The following USPL1 variants were observed in gnomAD, a reference collection of about 807,000 sequenced individuals.
USPL1 encodes SUMO-specific isopeptidase USPL1.
A neutral mutation model predicts 51.5 loss-of-function variants in USPL1; 27 were observed. That is an observed-to-expected ratio of 0.52 (90% CI 0.39 to 0.72). The LOEUF (loss-of-function observed/expected upper bound fraction) is 0.72. Ranked by LOEUF, USPL1 falls within the 30% of genes least tolerant of loss-of-function variation. USPL1 has a pLI of 0.00. For missense variants in USPL1, 1,226 were observed against 1,268.0 expected, an observed-to-expected ratio of 0.97 and a Z score of 0.50; for synonymous variants, 451 against 459.6, an observed-to-expected ratio of 0.98 and a Z score of 0.24.
Position 30,659,268 on chromosome 13 carries a change from A to C in USPL1, c.3191A>C (p.Glu1064Ala). ...ESPMKTDIFD[E>A]FFSSSALNAL... ...CCGATGAAGACTGATATTTTCGATG[A>C]GTTTTTTTCCTCCTCAGCATTAAAT... The change falls in exon 9 of 9, where the codon GAG becomes GCG. Residue 1064 changes from glutamate to alanine, a missense_variant. Physicochemically the swap from Glu to Ala is moderately radical, Grantham distance 107 (BLOSUM62 -1). Coordinates refer to ENST00000255304, the MANE Select transcript of USPL1 (RefSeq NM_005800.5). 6.2e-7 allele frequency: 1 copy of C among 1,614,170 alleles called. No individual in the cohort carries two copies. The highest frequency in any genetic ancestry group is 8.5e-7 in the Non-Finnish European group (1 of 1,180,020).
chr13:30,643,429 G>A (rs944908692), intron 6 of USPL1, among the ~76,000 whole-genome samples: 1 of 152,114 alleles, frequency 6.6e-6, no homozygotes, highest in African/African-American at 2.4e-5. Flanking sequence ...TACCCACCAC[G>A]TAAGGAGAGG....
intron 3 of USPL1, among the ~76,000 whole-genome samples, chr13:30,624,218 G>A (rs1400049216): frequency 6.6e-6 from 1 of 152,102 alleles, no homozygotes; most frequent in Non-Finnish European, 1.5e-5. Context: ...CTTGGTGTGG[G>A]GAAAAAGCCC....
chr13:30,636,577 A>G (rs921293344), intron 4 of USPL1, among the ~76,000 whole-genome samples: 4 of 152,204 alleles, frequency 2.6e-5, no homozygotes, highest in Admixed American at 1.3e-4. Context: ...TTAATCTTGG[A>G]TAGTTTCTTG....
At chr13:30,657,119 T>C (rs370055240) in intron 8 of USPL1, among the ~76,000 whole-genome samples, 28 of 152,264 alleles carry the variant, frequency 1.8e-4, no homozygotes, top group African/African-American at 6.0e-4. Flanking sequence ...ATCATCTCAT[T>C]CTCTCTTGAC....
At chr13:30,657,364 T>G in intron 8 of USPL1, 110 bp from the exon 9 acceptor site, 1 of 1,102,698 alleles carries the variant, frequency 9.1e-7, no homozygotes, top group Non-Finnish European at 1.3e-6. Context: ...TTTTAGAGTC[T>G]TCTCCTTTGG....
intron 6 of USPL1, 37 bp downstream of exon 6, chr13:30,642,794 G>A (rs745752015): frequency 6.3e-7 from 1 of 1,597,142 alleles, no homozygotes; most frequent in Admixed American, 1.8e-5. Context: ...GGTTCTTCTA[G>A]TTTCTCCACC....
chr13:30,624,549 G>A (rs1023409728), intron 3 of USPL1, among the ~76,000 whole-genome samples: 3 of 152,216 alleles, frequency 2.0e-5, no homozygotes, highest in Non-Finnish European at 2.9e-5. Context: ...ATGCCCAGGA[G>A]GTCCAGGCTG....
chr13:30,630,882 T>C lies in USPL1; in HGVS notation c.276T>C (p.Pro92=), dbSNP rs1189153100. 1 of 1,613,310 alleles carries C rather than the reference T, an allele frequency of 6.2e-7. No individual in the cohort carries two copies. Among genetic ancestry groups the C allele is most frequent in the East Asian group, 2.2e-5 (1 of 44,860 alleles). ...AATCACTTAATAACCTAATTTCTCC[T>C]GATTTGGAAGAATGTCACACTCCAC... ...GSKSLNNLIS[P]DLEECHTPHK... The change falls in exon 4 of 9, where the codon CCT becomes CCC. Residue 92 remains proline, a synonymous_variant. Transcript: ENST00000255304.
chr13:30,634,721 A>G (rs891617339), intron 4 of USPL1, among the ~76,000 whole-genome samples: 5 of 152,206 alleles, frequency 3.3e-5, no homozygotes, highest in South Asian at 2.1e-4. Flanking sequence ...TAACAAAGGA[A>G]TGGAAAATTA....
chr13:30,659,506 T>C lies in USPL1; in HGVS notation c.*150T>C. ...AAGGTTTAACCTTTGGTTCTGCCCA[T>C]GAAGCATGTAATCTTTCTTACACAT... On this transcript the variant is annotated 3_prime_UTR_variant, in exon 9 of 9. Coordinates refer to ENST00000255304, the MANE Select transcript of USPL1 (RefSeq NM_005800.5). The C allele has an allele frequency of 1.5e-6, 1 of 669,724 alleles. No homozygotes were observed. The highest frequency in any genetic ancestry group is 2.6e-5 in the South Asian group (1 of 37,788). 41.5% of individuals were successfully genotyped at this position (669,724 alleles called of 1,614,324 possible).
intron 6 of USPL1, among the ~76,000 whole-genome samples, chr13:30,644,473 T>G (rs1950992029): frequency 6.6e-6 from 1 of 151,498 alleles, no homozygotes; most frequent in Non-Finnish European, 1.5e-5. Flanking sequence ...GGCCACAGAG[T>G]AGACACCATG....
In USPL1 at chr13:30,646,969, C is replaced by G; in HGVS notation, c.1150C>G (p.Pro384Ala). The change falls in exon 7 of 9, where the codon CCT becomes GCT. Residue 384 changes from proline (P) to alanine (A), a missense_variant. By Grantham distance (27) the Pro-to-Ala change is conservative. Transcript: ENST00000255304. ...TCTGGTCACCTTTACAAATGTCATC[C>G]CTGAGTGGCACCCACTTAATGCTGC... ...KSLVTFTNVI[P>A]EWHPLNAAHF... 1 of 1,613,776 alleles carries G rather than the reference C, an allele frequency of 6.2e-7. No individual in the cohort carries two copies. The highest frequency in any genetic ancestry group is 1.1e-5 in the South Asian group (1 of 91,038).
Position 30,659,192 on chromosome 13 carries a change from C to T in USPL1, c.3115C>T (p.Pro1039Ser). 6.2e-7 allele frequency: 1 copy of T among 1,614,062 alleles called. No homozygotes were observed. The highest frequency in any genetic ancestry group is 8.5e-7 in the Non-Finnish European group (1 of 1,180,012). ...CAAGAAAAATCCATGTGAAGTTCAGCCAGACTCTCTGACAAATAATGCCTG... is the reference window on the plus strand; with the variant it reads ...CAAGAAAAATCCATGTGAAGTTCAGTCAGACTCTCTGACAAATAATGCCTG... ...PTKKNPCEVQPDSLTNNACVR... is the reference protein window; with the variant it reads ...PTKKNPCEVQSDSLTNNACVR... The change falls in exon 9 of 9, where the codon CCA becomes TCA. Residue 1039 changes from proline to serine, a missense_variant. Pro to Ser is a moderately conservative substitution (Grantham distance 74). Transcript: ENST00000255304.
intron 5 of USPL1, among the ~76,000 whole-genome samples, chr13:30,639,220 A>ATG (rs1168323781): frequency 1.0e-5 from 1 of 100,370 alleles, no homozygotes; most frequent in Admixed American, 9.2e-5. Flanking sequence ...GTCTCAAAAA[A>ATG]TGTATATATA....
In USPL1 at chr13:30,657,474, G is replaced by A. The variant is rs1425285858; in HGVS notation, c.1397G>A (p.Gly466Glu). The A allele has an allele frequency of 6.4e-7, 1 of 1,573,148 alleles. No individual in the cohort carries two copies. The highest frequency in any genetic ancestry group is 8.6e-7 in the Non-Finnish European group (1 of 1,163,918). ...HFITWILDAD[G>E]SWLECDDLKG... ...CTTTCACTTCTTTCCCATCTTCCAG[G>A]AAGTTGGCTGGAATGTGATGACTTA... The change falls in exon 9 of 9, where the codon GGA becomes GAA. Residue 466 changes from glycine to glutamate, a missense_variant and splice_region_variant. Physicochemically the swap from Gly to Glu is moderately conservative, Grantham distance 98. Coordinates refer to ENST00000255304, the MANE Select transcript of USPL1 (RefSeq NM_005800.5).
At chr13:30,647,327 C>G (rs541630543) in intron 7 of USPL1, among the ~76,000 whole-genome samples, 1 of 152,236 alleles carries the variant, frequency 6.6e-6, no homozygotes, top group East Asian at 1.9e-4. Context: ...TTAAGGATAT[C>G]AAGCTTCAGT....
chr13:30,645,247 G>A (rs1951002420), intron 6 of USPL1, among the ~76,000 whole-genome samples: 1 of 152,144 alleles, frequency 6.6e-6, no homozygotes, highest in Non-Finnish European at 1.5e-5. Context: ...TTAGTTGTTT[G>A]ACAGTTTTCG....
chr13:30,635,702 C>T (rs774355056), intron 4 of USPL1, among the ~76,000 whole-genome samples: 1 of 152,060 alleles, frequency 6.6e-6, no homozygotes, highest in Non-Finnish European at 1.5e-5. Flanking sequence ...CATTAATGTG[C>T]TAAAAATTTT....
At chr13:30,630,586 C>G (rs1258994282) in intron 3 of USPL1, among the ~76,000 whole-genome samples, 1 of 152,134 alleles carries the variant, frequency 6.6e-6, no homozygotes, top group Non-Finnish European at 1.5e-5. Context: ...TCCTTATTAG[C>G]TTACCCTTTT....
Sources: gnomAD v4.1 joint callset for allele counts (sites outside exome capture counted in the v4.1 genomes callset) on GRCh38, gnomAD v4.1.1 for gene constraint, MANE v1.5 for transcripts, NCBI Gene and HGNC (gene_info 2026-07-23, HGNC 2026-07-21) for gene names.